AGR3: variants seen among roughly 807,000 people sequenced by gnomAD.
The protein encoded by AGR3 is anterior gradient 3, protein disulphide isomerase family member.
In AGR3, 37 loss-of-function variants were observed where a neutral mutation model predicts 24.5. That is an observed-to-expected ratio of 1.51 (90% CI 1.16 to 1.99). AGR3 has a LOEUF of 1.99. Among genes scored for constraint, AGR3 ranks in the 30% most tolerant of loss-of-function variants. The pLI is 0.00. For missense variants in AGR3, 228 were observed against 191.1 expected (o/e 1.19, Z -1.14); for synonymous variants, 75 against 61.6 (o/e 1.22, Z -1.02).
Position 16,880,096 on chromosome 7 carries a change from CTTCCTTCCTTCT to C in AGR3, c.-27-1463_-27-1452del, listed in dbSNP as rs1230940644. ...CCCCTTCCTTCTTTCCCCTTCCTTC[CTTCCTTCCTTCT>C]TTCCTTCCTTCCTTCCTTCCTCTTT... On this transcript the variant is annotated intron_variant, in intron 1 of 7. Coordinates refer to ENST00000310398, the MANE Select transcript of AGR3 (RefSeq NM_176813.5). Among the ~76,000 whole-genome samples, 4 of 136,786 alleles carry C rather than the reference CTTCCTTCCTTCT, an allele frequency of 2.9e-5. No individual in the cohort carries two copies. The South Asian group carries it at 7.2e-4, about 25-fold the overall frequency. 89.7% of individuals were successfully genotyped at this position (136,786 alleles called of 152,430 possible). A position where few individuals can be genotyped will look rare whatever the true frequency, so the allele number is the denominator to read the frequency against.
rs1023687427 is a variant in AGR3 at position 16,861,413 on chromosome 7, C to T, written c.338G>A (p.Gly113Glu). The change falls in exon 6 of 8, where the codon GGG becomes GAG. Residue 113 changes from glycine to glutamate, a missense_variant. Transcript: ENST00000310398. ...ETTDKNLSPD[G>E]QYVPRIMFVD... Reference sequence around the variant, plus strand: ...AAACATGATTCTAGGCACATATTGCCCATCAGGTGATAAATTCTTATCAGT... The same window carrying T: ...AAACATGATTCTAGGCACATATTGCTCATCAGGTGATAAATTCTTATCAGT... The T allele has an allele frequency of 6.2e-7, 1 of 1,609,748 alleles. No homozygotes were observed. Among genetic ancestry groups the T allele is most frequent in the Non-Finnish European group, 8.5e-7 (1 of 1,177,888 alleles).
intron 3 of AGR3, among the ~76,000 whole-genome samples, chr7:16,868,736 G>A (rs1176277628): frequency 6.6e-6 from 1 of 152,062 alleles, no homozygotes; most frequent in Non-Finnish European, 1.5e-5. Context: ...CCAGACTAAT[G>A]TCTGGGTATA....
At chr7:16,872,431 ACT>A (rs992279193) in intron 3 of AGR3, among the ~76,000 whole-genome samples, 5 of 152,098 alleles carry the variant, frequency 3.3e-5, no homozygotes, top group Non-Finnish European at 5.9e-5. Context: ...TAGACTCCTA[ACT>A]CTTACCATAT....
At chr7:16,867,573 A>G (rs953204874) in intron 3 of AGR3, among the ~76,000 whole-genome samples, 3 of 152,196 alleles carry the variant, frequency 2.0e-5, no homozygotes, top group African/African-American at 4.8e-5. Context: ...GTTATTAACT[A>G]TTATTCCCAC....
Position 16,861,434 on chromosome 7 carries a change from T to C in AGR3, c.317A>G (p.Asp106Gly), listed in dbSNP as rs1362869062. Reference sequence around the variant, plus strand: ...TTGCCCATCAGGTGATAAATTCTTATCAGTGGTTTCATGCTAGCAGGAGAA... The same window carrying C: ...TTGCCCATCAGGTGATAAATTCTTACCAGTGGTTTCATGCTAGCAGGAGAA... ...IMLNLMHETT[D>G]KNLSPDGQYV... Residue 106 changes from aspartate to glycine, a missense_variant, in exon 6 of 8, where the codon GAT (aspartate) becomes GGT (glycine). Asp to Gly is a moderately conservative substitution (Grantham distance 94). Transcript: ENST00000310398. The C allele has an allele frequency of 3.1e-6, 5 of 1,611,250 alleles. No individual in the cohort carries two copies. The highest frequency in any genetic ancestry group is 4.2e-6 in the Non-Finnish European group (5 of 1,178,598).
chr7:16,867,554 A>G (rs548974942), intron 3 of AGR3, among the ~76,000 whole-genome samples: 4 of 152,262 alleles, frequency 2.6e-5, no homozygotes, highest in African/African-American at 9.6e-5. Context: ...TTCATGTATA[A>G]AATATATTGT....
rs143249018 is a variant in AGR3 at position 16,861,756 on chromosome 7, C to G, written c.303+228G>C. On this transcript the variant is annotated intron_variant, in intron 5 of 7. Coordinates refer to ENST00000310398, the MANE Select transcript of AGR3 (RefSeq NM_176813.5). ...TCTCTACTAAAAATACAAAAATTAG[C>G]TGGGCATGGTGGCAGGTGCCTGTAG... Among the ~76,000 whole-genome samples the G allele has an allele frequency of 3.2e-3, 490 of 151,998 alleles. 4 individuals carry two copies. Among genetic ancestry groups the G allele is most frequent in the African/African-American group, 0.011 (460 of 41,460 alleles).
intron 7 of AGR3, 31 bp downstream of exon 7, chr7:16,860,469 C>T: frequency 6.6e-7 from 1 of 1,523,824 alleles, no homozygotes; most frequent in Non-Finnish European, 9.1e-7. Flanking sequence ...TCAGCTATGA[C>T]CACTGTTTGA....
At chr7:16,874,937 T>C (rs1412443072) in intron 2 of AGR3, among the ~76,000 whole-genome samples, 2 of 151,774 alleles carry the variant, frequency 1.3e-5, no homozygotes, top group Non-Finnish European at 2.9e-5. Context: ...GTCAATACAG[T>C]GTAATCTGTC....
rs1416585830 is a variant in AGR3 at position 16,861,991 on chromosome 7, T to A, written c.296A>T (p.Asn99Ile). Residue 99 changes from asparagine (N) to isoleucine (I), a missense_variant, in exon 5 of 8, where the codon AAC (asparagine) becomes ATC (isoleucine). Transcript: ENST00000310398. ...EMAQNKFIML[N>I]LMHETTDKNL... ...ATCACAAAGTTTATGTACCATAAGG[T>A]TTAGCATGATGAACTTATTCTGAGC... is the stretch of plus-strand genomic sequence containing the variant. 2 of 1,610,512 alleles carry A rather than the reference T, an allele frequency of 1.2e-6. No homozygotes were observed. Among genetic ancestry groups the A allele is most frequent in the African/African-American group, 2.7e-5 (2 of 74,818 alleles).
intron 3 of AGR3, among the ~76,000 whole-genome samples, chr7:16,872,712 G>T (rs1310285723): frequency 2.6e-5 from 4 of 152,012 alleles, no homozygotes; most frequent in Admixed American, 6.6e-5. Context: ...ATTCGACATG[G>T]GCCTATATCT....
chr7:16,861,618 A>G (rs1294959342), intron 5 of AGR3, among the ~76,000 whole-genome samples, 171 bp from the exon 6 acceptor site: 5 of 152,142 alleles, frequency 3.3e-5, no homozygotes, highest in African/African-American at 1.2e-4. Flanking sequence ...GAAAAAAAGG[A>G]GGCTGGGCAT....
At chr7:16,866,666 CG>C (rs1781764566) in intron 3 of AGR3, among the ~76,000 whole-genome samples, 2 of 152,000 alleles carry the variant, frequency 1.3e-5, no homozygotes, top group East Asian at 1.9e-4. Flanking sequence ...AAGAGGGAAA[CG>C]AATGTGGTTT....
rs1018648556 is a variant in AGR3 at position 16,865,496 on chromosome 7, C to T, written c.174-2834G>A. 1.4e-5 allele frequency: 10 copies of T among 719,164 alleles called. No homozygotes were observed. In the South Asian group the frequency reaches 1.4e-4, roughly 10 times the overall value. 44.5% of individuals were successfully genotyped at this position (719,164 alleles called of 1,614,324 possible). ...GCTCTTCCCGAATTTCTTTGGGGAA[C>T]AAGAAACTTTGATTATTTTTACCAC... is the stretch of plus-strand genomic sequence containing the variant. On this transcript the variant is annotated intron_variant, in intron 3 of 7. Coordinates refer to ENST00000310398, the MANE Select transcript of AGR3 (RefSeq NM_176813.5).
At chr7:16,860,974 A>G (rs1781630042) in intron 6 of AGR3, among the ~76,000 whole-genome samples, 1 of 151,870 alleles carries the variant, frequency 6.6e-6, no homozygotes, top group Admixed American at 6.6e-5. Flanking sequence ...ACGTTCTTAA[A>G]ATCATTTTTG....
chr7:16,869,429 C>T (rs1781822473), intron 3 of AGR3, among the ~76,000 whole-genome samples: 1 of 152,036 alleles, frequency 6.6e-6, no homozygotes, highest in Non-Finnish European at 1.5e-5. Context: ...TAATAAACAT[C>T]CTTCAAGGTG....
In AGR3 at chr7:16,861,433, ATCAGTGGTT is replaced by A. The variant is rs766501065; in HGVS notation, c.309_317del (p.Glu103_Thr105del). The A allele has an allele frequency of 8.7e-6, 14 of 1,611,498 alleles. No individual in the cohort carries two copies. In the Admixed American group the frequency reaches 2.3e-4, roughly 27 times the overall value. On this transcript the variant is annotated inframe_deletion, in exon 6 of 8. Transcript: ENST00000310398. ...ATTGCCCATCAGGTGATAAATTCTT[ATCAGTGGTT>A]TCATGCTAGCAGGAGAAGAAAAAAA...
At chr7:16,861,310 C>G (rs1781638237) in intron 6 of AGR3, 74 bp downstream of exon 6, 3 of 1,151,994 alleles carry the variant, frequency 2.6e-6, no homozygotes, top group Admixed American at 2.4e-5. Flanking sequence ...CTTGAACTAG[C>G]ATTTAAAAAT....
chr7:16,856,893 G>A (rs1781561742), downstream of AGR3, among the ~76,000 whole-genome samples: 1 of 151,824 alleles, frequency 6.6e-6, no homozygotes, highest in Non-Finnish European at 1.5e-5. Flanking sequence ...TCCAAAGTAG[G>A]GGTAACCTAA....
Sources: gnomAD v4.1 joint callset for allele counts (sites outside exome capture counted in the v4.1 genomes callset) on GRCh38, gnomAD v4.1.1 for gene constraint, MANE v1.5 for transcripts, NCBI Gene and HGNC (gene_info 2026-07-23, HGNC 2026-07-21) for gene names.